Variants in SMAD9 observed in about 807,000 individuals in gnomAD.
SMAD9 encodes the protein SMAD family member 9.
A neutral mutation model predicts 46.1 loss-of-function variants in SMAD9; 36 were observed. The observed-to-expected ratio is 0.78, with a 90% confidence interval of 0.60 to 1.03. The LOEUF (loss-of-function observed/expected upper bound fraction) is 1.03, where lower values mean the gene tolerates loss of function less well. SMAD9 is among the 50% of genes least tolerant of loss of function. SMAD9 has a pLI of 0.00. For missense variants in SMAD9, 572 were observed against 599.8 expected, an observed-to-expected ratio of 0.95 and a Z score of 0.48; for synonymous variants, 245 against 237.1, an observed-to-expected ratio of 1.03 and a Z score of -0.31.
intron 1 of SMAD9, among the ~76,000 whole-genome samples, chr13:36,880,537 A>C (rs1370465136): frequency 6.6e-6 from 1 of 152,260 alleles, no homozygotes; most frequent in Non-Finnish European, 1.5e-5. Flanking sequence ...GCCATTCTTA[A>C]CATAGTCTTC....
chr13:36,861,490 A>G (rs1400532703), intron 5 of SMAD9, among the ~76,000 whole-genome samples: 3 of 151,430 alleles, frequency 2.0e-5, no homozygotes, highest in African/African-American at 4.8e-5. Flanking sequence ...AATTTTTTGT[A>G]TTTTTAGTAG....
chr13:36,887,114 C>G (rs1405801777), intron 1 of SMAD9, among the ~76,000 whole-genome samples: 4 of 128,006 alleles, frequency 3.1e-5, no homozygotes, highest in Non-Finnish European at 6.2e-5. Context: ...AAGTGATCTT[C>G]CTGCCTCAGC....
At chr13:36,880,268 T>C (rs2058391485) in intron 1 of SMAD9, among the ~76,000 whole-genome samples, 1 of 152,182 alleles carries the variant, frequency 6.6e-6, no homozygotes, top group African/African-American at 2.4e-5. Context: ...TCTTTCTCTC[T>C]TTCAATTCGA....
chr13:36,896,109 G>GTACTTATT (rs1472268061), intron 1 of SMAD9, among the ~76,000 whole-genome samples: 1 of 148,644 alleles, frequency 6.7e-6, no homozygotes, highest in African/African-American at 2.5e-5. Context: ...ATCCTGTTGA[G>GTACTTATT]TATTTATTTA....
chr13:36,892,446 C>A (rs551190695), intron 1 of SMAD9, among the ~76,000 whole-genome samples: 2 of 152,314 alleles, frequency 1.3e-5, no homozygotes, highest in African/African-American at 4.8e-5. Flanking sequence ...GCAAAGCCCA[C>A]AAACTAACTA....
chr13:36,875,818 T>C (rs1263448340), intron 2 of SMAD9, among the ~76,000 whole-genome samples: 1 of 152,336 alleles, frequency 6.6e-6, no homozygotes, highest in South Asian at 2.1e-4. Flanking sequence ...GAGACTTCTA[T>C]TTCTTCATGG....
chr13:36,867,726 C>CA, intron 3 of SMAD9, among the ~76,000 whole-genome samples: 1 of 152,322 alleles, frequency 6.6e-6, no homozygotes, highest in South Asian at 2.1e-4. Context: ...TTGCAAAACA[C>CA]AGAGAAAGCT....
chr13:36,867,286 C>G lies in SMAD9; in HGVS notation c.768G>C (p.Ser256=). The change falls in exon 4 of 7, where the codon TCG becomes TCC. Residue 256 remains serine, a synonymous_variant. Coordinates refer to ENST00000379826, the MANE Select transcript of SMAD9 (RefSeq NM_001127217.3). ...TCTGCAATTTACCTCCATTTGGTATCGATAGCACTACATGTCTATCAGCTG... is the reference window on the plus strand; with the variant it reads ...TCTGCAATTTACCTCCATTTGGTATGGATAGCACTACATGTCTATCAGCTG... ...DATADRHVVL[S]IPNGDFRPVC... 6.5e-7 allele frequency: 1 copy of G among 1,541,576 alleles called. No homozygotes were observed. The highest frequency in any genetic ancestry group is 8.8e-7 in the Non-Finnish European group (1 of 1,137,858).
chr13:36,906,361 A>G (rs549780521), intron 1 of SMAD9, among the ~76,000 whole-genome samples: 1 of 152,290 alleles, frequency 6.6e-6, no homozygotes, highest in African/African-American at 2.4e-5. Flanking sequence ...TTAGATGTGA[A>G]AAGACACTTA....
intron 2 of SMAD9, among the ~76,000 whole-genome samples, chr13:36,876,618 G>A (rs139535223): frequency 6.6e-6 from 1 of 152,196 alleles, no homozygotes; most frequent in African/African-American, 2.4e-5. Flanking sequence ...TCGTTTGAAG[G>A]ACTGGAAATT....
chr13:36,874,586 G>A (rs2058327407), intron 2 of SMAD9, among the ~76,000 whole-genome samples: 1 of 152,116 alleles, frequency 6.6e-6, no homozygotes, highest in Non-Finnish European at 1.5e-5. Flanking sequence ...GGCTGGGCAT[G>A]GTGGCTCACA....
At position 36,846,724 on chromosome 13, in the gene SMAD9, C is replaced by G. The variant is rs576985444; in HGVS notation, c.*1952G>C. On this transcript the variant is annotated 3_prime_UTR_variant, in exon 7 of 7. Transcript: ENST00000379826. Reference sequence around the variant, plus strand: ...ACATGGAAGAAAAGTAGCATTTATACAAGGAATCCATTACCTGACTTTGCA... The same window carrying G: ...ACATGGAAGAAAAGTAGCATTTATAGAAGGAATCCATTACCTGACTTTGCA... The G allele has an allele frequency of 6.6e-6, 1 of 152,066 alleles. No individual in the cohort carries two copies. The highest frequency in any genetic ancestry group is 1.5e-5 in the Non-Finnish European group (1 of 68,002). The allele number at this position is 152,066 out of a possible 1,614,324, so 9.4% of individuals were successfully genotyped here.
chr13:36,881,495 G>A (rs763257329), intron 1 of SMAD9, among the ~76,000 whole-genome samples: 7 of 152,262 alleles, frequency 4.6e-5, no homozygotes, highest in Middle Eastern at 3.4e-3. Flanking sequence ...GATCATTATC[G>A]GGCACCTCAG....
chr13:36,906,202 T>G (rs950634815), intron 1 of SMAD9, among the ~76,000 whole-genome samples: 5 of 152,190 alleles, frequency 3.3e-5, no homozygotes, highest in Non-Finnish European at 5.9e-5. Context: ...TTATCTCTTA[T>G]GCTGGCTAGG....
At chr13:36,891,301 G>C (rs1439537049) in intron 1 of SMAD9, among the ~76,000 whole-genome samples, 1 of 152,124 alleles carries the variant, frequency 6.6e-6, no homozygotes, top group African/African-American at 2.4e-5. Context: ...TATTTATTGA[G>C]ACTCTATCAT....
intron 1 of SMAD9, among the ~76,000 whole-genome samples, chr13:36,904,712 A>G (rs562956689): frequency 1.3e-5 from 2 of 152,250 alleles, no homozygotes; most frequent in African/African-American, 4.8e-5. Context: ...ACATATTTCT[A>G]TTTTCACTTG....
intron 5 of SMAD9, among the ~76,000 whole-genome samples, chr13:36,864,054 A>G (rs1431169787): frequency 6.6e-6 from 1 of 152,194 alleles, no homozygotes; most frequent in African/African-American, 2.4e-5. Flanking sequence ...ACCAATCTGC[A>G]AAGCTCCTCA....
chr13:36,868,616 T>C (rs1240410842), intron 3 of SMAD9, among the ~76,000 whole-genome samples: 1 of 152,116 alleles, frequency 6.6e-6, no homozygotes, highest in Non-Finnish European at 1.5e-5. Context: ...TGTACACCTG[T>C]AATCCTAGCT....
At chr13:36,903,275 C>T (rs561391880) in intron 1 of SMAD9, among the ~76,000 whole-genome samples, 5 of 152,040 alleles carry the variant, frequency 3.3e-5, no homozygotes, top group Middle Eastern at 3.4e-3. Flanking sequence ...TACGGGCACG[C>T]GCCACCACAC....
Sources: gnomAD v4.1 joint callset for allele counts (sites outside exome capture counted in the v4.1 genomes callset) on GRCh38, gnomAD v4.1.1 for gene constraint, MANE v1.5 for transcripts, NCBI Gene and HGNC (gene_info 2026-07-23, HGNC 2026-07-21) for gene names.